AKAP9: variants seen among roughly 807,000 people sequenced by gnomAD.
AKAP9 encodes the protein A-kinase anchoring protein 9, also known as A-kinase anchor protein 9.
A neutral mutation model predicts 488.5 loss-of-function variants in AKAP9; 311 were observed. The ratio of observed to expected loss-of-function variants is 0.64; its 90% CI spans 0.58 to 0.70. The LOEUF is 0.70. AKAP9 is among the 30% of genes least tolerant of loss of function. The pLI, the probability that AKAP9 is intolerant of heterozygous loss-of-function variation, is 0.00. For missense variants in AKAP9, 4,215 were observed against 4,374.5 expected (o/e 0.96, Z 1.03); for synonymous variants, 1,462 against 1,483.5 (o/e 0.99, Z 0.33).
At position 92,003,118 on chromosome 7, in the gene AKAP9, A is replaced by G. The variant is rs1554405607; in HGVS notation, c.3201A>G (p.Gln1067=). 2 of 1,611,458 alleles carry G rather than the reference A, an allele frequency of 1.2e-6. No homozygotes were observed. Among genetic ancestry groups the G allele is most frequent in the South Asian group, 1.1e-5 (1 of 90,684 alleles). ...TGACTGTTGGAGAAGAAAGTAAGCA[A>G]GAACAGTTGATTTTGGATCACTTAC... is the stretch of plus-strand genomic sequence containing the variant. ...ENMTVGEESK[Q]EQLILDHLPS... The change falls in exon 8 of 50, where the codon CAA becomes CAG. Residue 1067 remains glutamine (Q), a synonymous_variant. Transcript: ENST00000356239.
chr7:92,064,560 G>T (rs1422765875), intron 24 of AKAP9, among the ~76,000 whole-genome samples: 2 of 151,994 alleles, frequency 1.3e-5, no homozygotes, highest in East Asian at 3.9e-4. Flanking sequence ...ACTGTCACAT[G>T]GGAGATAAGT....
chr7:92,012,078 G>A (rs1800823140), intron 8 of AKAP9, among the ~76,000 whole-genome samples: 1 of 152,194 alleles, frequency 6.6e-6, no homozygotes, highest in Non-Finnish European at 1.5e-5. Context: ...TCCAGCCTGG[G>A]TGACAGAGTG....
At chr7:91,994,590 A>G (rs1798161514) in intron 5 of AKAP9, 31 bp from the exon 6 acceptor site, 1 of 1,572,384 alleles carries the variant, frequency 6.4e-7, no homozygotes, top group Non-Finnish European at 8.6e-7. Context: ...AATTAAAAAA[A>G]ATAAATCTAG....
At position 92,002,032 on chromosome 7, in the gene AKAP9, A is replaced by G; in HGVS notation, c.2115A>G (p.Leu705=). The G allele has an allele frequency of 1.2e-6, 2 of 1,608,080 alleles. No homozygotes were observed. Among genetic ancestry groups the G allele is most frequent in the Non-Finnish European group, 1.7e-6 (2 of 1,178,162 alleles). ...LILEISKLKD[L]QQSLVNSKSE... ...TGGAAATTTCAAAGCTAAAAGATTTACAGCAGTCTCTTGTAAATTCAAAGT... is the reference window on the plus strand; with the variant it reads ...TGGAAATTTCAAAGCTAAAAGATTTGCAGCAGTCTCTTGTAAATTCAAAGT... The change falls in exon 8 of 50, where the codon TTA becomes TTG. Residue 705 remains leucine, a synonymous_variant. Transcript: ENST00000356239.
At chr7:91,983,429 A>T (rs1206722349) in intron 3 of AKAP9, among the ~76,000 whole-genome samples, 1 of 152,122 alleles carries the variant, frequency 6.6e-6, no homozygotes, top group Non-Finnish European at 1.5e-5. Flanking sequence ...TATGTGCCAC[A>T]TTTTGTTAAT....
At chr7:91,961,117 A>G (rs762990544) in intron 1 of AKAP9, among the ~76,000 whole-genome samples, 1 of 152,182 alleles carries the variant, frequency 6.6e-6, no homozygotes, top group Non-Finnish European at 1.5e-5. Context: ...AAGAAACTGA[A>G]GAGATTCCAA....
At chr7:92,105,986 G>A (rs951995435) in intron 47 of AKAP9, among the ~76,000 whole-genome samples, 2 of 152,230 alleles carry the variant, frequency 1.3e-5, no homozygotes, top group African/African-American at 4.8e-5. Context: ...GCACATGTGA[G>A]GAATCTAGGT....
At chr7:92,010,381 G>T (rs1035687081) in intron 8 of AKAP9, among the ~76,000 whole-genome samples, 1 of 152,248 alleles carries the variant, frequency 6.6e-6, no homozygotes, top group Non-Finnish European at 1.5e-5. Context: ...TTACCCACAA[G>T]TGTGTTGACT....
In AKAP9 at chr7:92,057,057, TA is replaced by T. The variant is rs571761321; in HGVS notation, c.5601+4102del. 3.5e-4 allele frequency among the ~76,000 whole-genome samples: 54 copies of T among 152,198 alleles called. No homozygotes were observed. The East Asian group carries it at 9.6e-3, about 27-fold the overall frequency. ...GGCTATTCTATATAACTTGGGCTTTTAAAGTTTAGTCAGGGTTCATAAGATA... is the reference window on the plus strand; with the variant it reads ...GGCTATTCTATATAACTTGGGCTTTTAAGTTTAGTCAGGGTTCATAAGATA... On this transcript the variant is annotated intron_variant, in intron 22 of 49. Transcript: ENST00000356239.
At chr7:91,999,669 G>A (rs999209958) in intron 7 of AKAP9, among the ~76,000 whole-genome samples, 1 of 152,170 alleles carries the variant, frequency 6.6e-6, no homozygotes, top group African/African-American at 2.4e-5. Flanking sequence ...CAGTAGGAAT[G>A]GTCATGCCTA....
chr7:91,984,382 A>G (rs1457624863), intron 3 of AKAP9, among the ~76,000 whole-genome samples: 18 of 152,224 alleles, frequency 1.2e-4, no homozygotes, highest in Admixed American at 1.2e-3. Context: ...TGTATTAAAT[A>G]GGGAATCCTT....
intron 3 of AKAP9, among the ~76,000 whole-genome samples, chr7:91,988,297 C>CA (rs5885797): frequency 0.044 from 2,336 of 53,662 alleles, 389 homozygotes; most frequent in East Asian, 0.12. Context: ...GACCCCCTCT[C>CA]AAAAAAAAAA....
chr7:91,947,345 AT>A (rs960177311), intron 1 of AKAP9, among the ~76,000 whole-genome samples: 22 of 150,194 alleles, frequency 1.5e-4, no homozygotes, highest in Admixed American at 2.0e-4. Context: ...CTTAGCAAGC[AT>A]TTTTTTTTCC....
At chr7:92,092,432 A>G (rs767956307) in intron 38 of AKAP9, 3 of 152,174 alleles carry the variant, frequency 2.0e-5, no homozygotes, top group Non-Finnish European at 4.4e-5. Flanking sequence ...ACTTTGTGTG[A>G]CTATCAGAAA....
In AKAP9 at chr7:92,065,316, A is replaced by G; in HGVS notation, c.6063A>G (p.Lys2021=). The G allele has an allele frequency of 6.2e-7, 1 of 1,613,256 alleles. No homozygotes were observed. The highest frequency in any genetic ancestry group is 8.5e-7 in the Non-Finnish European group (1 of 1,179,526). Reference sequence around the variant, plus strand: ...AAAAAGTACGTGATGACCTTCAAAAACAAGTGAAAGCTCTAGAAATAGATG... The same window carrying G: ...AAAAAGTACGTGATGACCTTCAAAAGCAAGTGAAAGCTCTAGAAATAGATG... ...QAEKVRDDLQ[K]QVKALEIDVE... The change falls in exon 25 of 50, where the codon AAA becomes AAG. Residue 2021 remains lysine (K), a synonymous_variant. Transcript: ENST00000356239.
At chr7:92,023,064 T>C (rs1031944586) in intron 14 of AKAP9, 55 bp downstream of exon 14, 11 of 1,548,326 alleles carry the variant, frequency 7.1e-6, no homozygotes, top group African/African-American at 5.4e-5. Context: ...GTAACAATTA[T>C]AGTATCATCC....
intron 21 of AKAP9, among the ~76,000 whole-genome samples, chr7:92,046,239 A>G (rs980687439): frequency 4.6e-5 from 7 of 152,048 alleles, no homozygotes; most frequent in Non-Finnish European, 8.8e-5. Context: ...AAAAGAGGGG[A>G]AAAGTTTTGT....
Position 91,995,594 on chromosome 7 carries a change from T to C in AKAP9, c.733-9T>C. The C allele has an allele frequency of 6.2e-7, 1 of 1,613,838 alleles. No homozygotes were observed. The highest frequency in any genetic ancestry group is 2.2e-5 in the East Asian group (1 of 44,866). On this transcript the variant is annotated splice_polypyrimidine_tract_variant and intron_variant, in intron 6 of 49. Coordinates refer to ENST00000356239, the MANE Select transcript of AKAP9 (RefSeq NM_005751.5). ...AATTTAACGTTTTGAGGTTTCTTTCTATTTTCAGTTACAGGCTAGTGAAAC... is the reference window on the plus strand; with the variant it reads ...AATTTAACGTTTTGAGGTTTCTTTCCATTTTCAGTTACAGGCTAGTGAAAC...
At chr7:92,027,361 T>C (rs1201842703) in intron 14 of AKAP9, among the ~76,000 whole-genome samples, 795 of 64,590 alleles carry the variant, frequency 0.012, no homozygotes, top group East Asian at 0.016. Flanking sequence ...CCCGGCCGCC[T>C]CGTCTGGGAT....
Sources: allele counts gnomAD v4.1 joint callset (sites outside exome capture counted in the v4.1 genomes callset), GRCh38; gene constraint gnomAD v4.1.1; transcripts MANE v1.5; gene names NCBI Gene and HGNC (gene_info 2026-07-23, HGNC 2026-07-21).